ZNF518A: variants seen among roughly 807,000 people sequenced by gnomAD.
ZNF518A encodes zinc finger protein 518A, also known as zinc finger protein 518.
A neutral mutation model predicts 102.7 loss-of-function variants in ZNF518A; 47 were observed. The observed-to-expected ratio is 0.46, with a 90% CI of 0.36 to 0.58. The LOEUF is 0.58. ZNF518A is among the 20% of genes least tolerant of loss of function. ZNF518A has a pLI of 0.00. For missense variants in ZNF518A, 1,793 were observed against 1,699.8 expected (o/e 1.05, Z -0.96); for synonymous variants, 652 against 594.6 (o/e 1.10, Z -1.40).
chr10:96,130,005 T>G (rs1315561342), upstream of ZNF518A: 1 of 152,644 alleles, frequency 6.6e-6, no homozygotes. Flanking sequence ...AAAGCGCAGA[T>G]CCCTCCGCCG....
chr10:96,188,080 C>A (rs2083283358), intron 1 of ZNF518A, among the ~76,000 whole-genome samples: 1 of 152,204 alleles, frequency 6.6e-6, no homozygotes, highest in Non-Finnish European at 1.5e-5. Context: ...GAACTCCTGG[C>A]CTCAAGTGAT....
At position 96,162,961 on chromosome 10, in the gene ZNF518A, TA is replaced by T. The variant is rs1564793931; in HGVS notation, c.*2188del. The T allele has an allele frequency of 6.0e-6, 1 of 167,002 alleles. No individual in the cohort carries two copies. The highest frequency in any genetic ancestry group is 1.9e-4 in the East Asian group (1 of 5,206). 10.3% of individuals were successfully genotyped at this position (167,002 alleles called of 1,614,324 possible). A position where few individuals can be genotyped will look rare whatever the true frequency, so the allele number is the denominator to read the frequency against. ...TGGCAAGGTGAGCCATAGAGAGGCT[TA>T]TAGTCTTCAGTACCCTAACAGCAAT... On this transcript the variant is annotated 3_prime_UTR_variant, in exon 6 of 6. Coordinates refer to ENST00000316045, the MANE Select transcript of ZNF518A (RefSeq NM_001330736.2).
In ZNF518A at chr10:96,130,370, CCTTA is replaced by C. The variant is rs1366413963; in HGVS notation, c.-831_-828del. On this transcript the variant is annotated 5_prime_UTR_variant, in exon 1 of 6. Coordinates refer to ENST00000316045, the MANE Select transcript of ZNF518A (RefSeq NM_001330736.2). ...GCTTTTGCCGACTGCTAGAGCTTAC[CCTTA>C]CTTTCTTAACCTGGGGTTGTTTTAC... is the stretch of plus-strand genomic sequence containing the variant. 2.0e-5 allele frequency among the ~76,000 whole-genome samples: 3 copies of C among 152,202 alleles called. No individual in the cohort carries two copies. Among genetic ancestry groups the C allele is most frequent in the African/African-American group, 4.8e-5 (2 of 41,454 alleles).
In ZNF518A at chr10:96,156,714, G is replaced by GC; in HGVS notation, c.395dup (p.Asn133LysfsTer2). Reference sequence around the variant, plus strand: ...AAATGCCGAGACAACACTCGATATAGCCCAAATGATTTGCAGAAACACTTT... The same window carrying GC: ...AAATGCCGAGACAACACTCGATATAGCCCCAAATGATTTGCAGAAACACTTT... On this transcript the variant is annotated frameshift_variant, in exon 6 of 6. Transcript: ENST00000316045. LOFTEE classifies it high-confidence loss of function. The GC allele has an allele frequency of 6.2e-7, 1 of 1,613,844 alleles. No homozygotes were observed. The highest frequency in any genetic ancestry group is 8.5e-7 in the Non-Finnish European group (1 of 1,179,786).
At chr10:96,183,612 A>G (rs2083252981) in intron 1 of ZNF518A, among the ~76,000 whole-genome samples, 1 of 152,160 alleles carries the variant, frequency 6.6e-6, no homozygotes, top group South Asian at 2.1e-4. Context: ...GTTTCCATGT[A>G]GTTGAGCGGT....
intron 1 of ZNF518A, among the ~76,000 whole-genome samples, chr10:96,181,695 G>A (rs1490984442): frequency 6.6e-6 from 1 of 151,886 alleles, no homozygotes; most frequent in Non-Finnish European, 1.5e-5. Flanking sequence ...TGTTCCATTG[G>A]TCTATCTGTT....
intron 3 of ZNF518A, among the ~76,000 whole-genome samples, chr10:96,151,203 A>G (rs2082435424): frequency 6.6e-6 from 1 of 152,236 alleles, no homozygotes; most frequent in South Asian, 2.1e-4. Context: ...GTTGGGTGGG[A>G]TGAATTCCTA....
chr10:96,185,522 G>T (rs769416355), intron 1 of ZNF518A, among the ~76,000 whole-genome samples: 14 of 152,202 alleles, frequency 9.2e-5, no homozygotes, highest in Non-Finnish European at 1.9e-4. Flanking sequence ...TGATGCTGAT[G>T]CTATTCCTTT....
intron 1 of ZNF518A, among the ~76,000 whole-genome samples, chr10:96,178,302 C>A (rs1190343296): frequency 6.6e-6 from 1 of 152,022 alleles, no homozygotes; most frequent in African/African-American, 2.4e-5. Flanking sequence ...TCAGAACAAT[C>A]CTTGGAAAAT....
intron 3 of ZNF518A, among the ~76,000 whole-genome samples, chr10:96,137,066 G>T (rs1387829692): frequency 6.6e-6 from 1 of 152,196 alleles, no homozygotes; most frequent in Admixed American, 6.5e-5. Flanking sequence ...TGGCCTGCAG[G>T]CCGTCATTTC....
intron 1 of ZNF518A, among the ~76,000 whole-genome samples, chr10:96,174,245 T>C (rs2083190492): frequency 6.6e-6 from 1 of 151,958 alleles, no homozygotes. Flanking sequence ...AGCATAACTT[T>C]ATACTTTAAG....
chr10:96,164,883 C>T (rs1451602433), downstream of ZNF518A, among the ~76,000 whole-genome samples: 1 of 152,146 alleles, frequency 6.6e-6, no homozygotes, highest in Non-Finnish European at 1.5e-5. Flanking sequence ...TATGTGGCAA[C>T]TCATGAAATA....
At chr10:96,192,010 T>A (rs782660063) in intron 1 of ZNF518A, 20 of 1,613,726 alleles carry the variant, frequency 1.2e-5, no homozygotes, top group African/African-American at 1.3e-5. Flanking sequence ...TCTGGTGGAA[T>A]CTTTTGTGTT....
intron 1 of ZNF518A, among the ~76,000 whole-genome samples, chr10:96,188,755 A>C (rs1554892868): frequency 6.6e-6 from 1 of 152,198 alleles, no homozygotes; most frequent in Non-Finnish European, 1.5e-5. Context: ...TATATACCTG[A>C]ATGTAAAAAA....
chr10:96,137,791 A>G (rs587700074), intron 3 of ZNF518A, among the ~76,000 whole-genome samples: 1 of 152,342 alleles, frequency 6.6e-6, no homozygotes, highest in African/African-American at 2.4e-5. Flanking sequence ...GTACATATAC[A>G]CACACCGATA....
At chr10:96,182,924 A>T (rs1450261488) in intron 1 of ZNF518A, among the ~76,000 whole-genome samples, 1 of 152,216 alleles carries the variant, frequency 6.6e-6, no homozygotes, top group Non-Finnish European at 1.5e-5. Context: ...TACCTCTAGT[A>T]GAATTTGGCT....
rs1554884510 is a variant in ZNF518A, at chr10:96,158,317, A to C, written c.1995A>C (p.Arg665Ser). Residue 665 changes from arginine to serine, a missense_variant, in exon 6 of 6, where the codon AGA becomes AGC. By Grantham distance (110) the Arg-to-Ser change is moderately radical. This residue lies in a region of ZNF518A where 1,741 missense variants were observed against 1,622.6 expected (regional missense o/e 1.07). Transcript: ENST00000316045. Reference sequence around the variant, plus strand: ...CAGCAGTGTATGAAAACCCTCAAAGAGAATCTTCATCCAGCAAAACAGTTG... The same window carrying C: ...CAGCAGTGTATGAAAACCCTCAAAGCGAATCTTCATCCAGCAAAACAGTTG... ...SGTAVYENPQ[R>S]ESSSSKTVVQ... 6.2e-7 allele frequency: 1 copy of C among 1,613,806 alleles called. No homozygotes were observed. The highest frequency in any genetic ancestry group is 8.5e-7 in the Non-Finnish European group (1 of 1,179,764).
intron 1 of ZNF518A, among the ~76,000 whole-genome samples, chr10:96,184,264 G>A (rs1554892318): frequency 1.3e-5 from 2 of 151,834 alleles, no homozygotes; most frequent in African/African-American, 4.9e-5. Flanking sequence ...CAATTTGCCA[G>A]TCTGTGTCTT....
At chr10:96,191,836 T>A in intron 1 of ZNF518A, 1 of 1,208,318 alleles carries the variant, frequency 8.3e-7, no homozygotes, top group Non-Finnish European at 1.2e-6. Flanking sequence ...GGATGACCAC[T>A]TCAATAGCTG....
Sources: allele counts gnomAD v4.1 joint callset (sites outside exome capture counted in the v4.1 genomes callset), GRCh38; gene constraint gnomAD v4.1.1; regional missense constraint gnomAD v4.1.1; transcripts MANE v1.5; gene names NCBI Gene and HGNC (gene_info 2026-07-23, HGNC 2026-07-21).